The following MITD1 variants were observed in gnomAD, a reference collection of about 807,000 sequenced individuals.
MITD1 encodes microtubule interacting and trafficking domain containing 1.
In MITD1, 24 loss-of-function variants were observed where a neutral mutation model predicts 34.9. The ratio of observed to expected loss-of-function variants is 0.69; its 90% CI spans 0.50 to 0.97. MITD1 has a LOEUF of 0.97. Ranked by LOEUF, MITD1 falls within the 50% of genes least tolerant of loss-of-function variation. The probability of loss-of-function intolerance (pLI) is 0.00; values close to 1 mark genes in which losing one functional copy is unlikely to be tolerated. For synonymous variants in MITD1, 102 were observed against 101.4 expected (o/e 1.01, Z -0.04); for missense variants, 266 against 294.6 (o/e 0.90, Z 0.71).
chr2:99,177,754 C>T (rs1437080858), intron 1 of MITD1, among the ~76,000 whole-genome samples: 1 of 152,074 alleles, frequency 6.6e-6, no homozygotes, highest in African/African-American at 2.4e-5. Flanking sequence ...CCACCCACCT[C>T]AGTCTCCCAA....
chr2:99,178,057 T>G (rs2093897413), intron 1 of MITD1, among the ~76,000 whole-genome samples: 1 of 152,258 alleles, frequency 6.6e-6, no homozygotes, highest in South Asian at 2.1e-4. Context: ...CTCTACTGTA[T>G]ATATGTGCCA....
rs1327944979 is a variant in MITD1, at chr2:99,176,992, CACATACATCTATATAT to C, written c.152-2992_152-2977del. Among the ~76,000 whole-genome samples the C allele has an allele frequency of 3.3e-5, 5 of 152,260 alleles. No homozygotes were observed. In the East Asian group the frequency reaches 9.6e-4, roughly 29 times the overall value. ...TAGGAGGTATATGTAGGCTTACTAACACATACATCTATATATACATACATCTATATGTATTTGTTTC... is the reference window on the plus strand; with the variant it reads ...TAGGAGGTATATGTAGGCTTACTAACACATACATCTATATGTATTTGTTTC... On this transcript the variant is annotated intron_variant, in intron 1 of 6. Transcript: ENST00000289359.
Position 99,171,687 on chromosome 2 carries a change from T to G in MITD1, c.254-41A>C, listed in dbSNP as rs1559178228. On this transcript the variant is annotated intron_variant, in intron 2 of 6. Coordinates refer to ENST00000289359, the MANE Select transcript of MITD1 (RefSeq NM_138798.3). Reference sequence around the variant, plus strand: ...TTCAACAGTAAAACCAGTGACCATTTTTTTTTTACACATTTTATATTTTAT... The same window carrying G: ...TTCAACAGTAAAACCAGTGACCATTGTTTTTTTACACATTTTATATTTTAT... The G allele has an allele frequency of 3.2e-6, 5 of 1,572,896 alleles. No individual in the cohort carries two copies. In the East Asian group the frequency reaches 1.1e-4, roughly 35 times the overall value.
chr2:99,177,019 A>G (rs969647162), intron 1 of MITD1, among the ~76,000 whole-genome samples: 5 of 152,116 alleles, frequency 3.3e-5, no homozygotes, highest in Non-Finnish European at 5.9e-5. Flanking sequence ...ACATACATCT[A>G]TATGTATTTG....
In MITD1 at chr2:99,162,357, G is replaced by T. The variant is rs1174551672; in HGVS notation, c.*4-139C>A. 4 of 1,613,752 alleles carry T rather than the reference G, an allele frequency of 2.5e-6. No homozygotes were observed. The South Asian group carries it at 3.3e-5, about 13-fold the overall frequency. ...TAGAATGGAAAATCTGAAATTAATT[G>T]TGAGAGCTCTGAATGCTGTCCAACC... On this transcript the variant is annotated intron_variant, in intron 7 of 7. Transcript: ENST00000422537.
At chr2:99,168,187 G>C (rs969706493), downstream of MITD1, among the ~76,000 whole-genome samples, 8 of 152,066 alleles carry the variant, frequency 5.3e-5, no homozygotes, top group Admixed American at 3.9e-4. Context: ...TGTTGCCCAG[G>C]CTGGAGTGCA....
At chr2:99,175,443 G>A (rs2093881725) in intron 1 of MITD1, among the ~76,000 whole-genome samples, 4 of 152,176 alleles carry the variant, frequency 2.6e-5, no homozygotes, top group Non-Finnish European at 1.5e-5. Flanking sequence ...CATTAGACTT[G>A]GTTTATGCAT....
downstream of MITD1, among the ~76,000 whole-genome samples, chr2:99,166,839 T>C (rs945008163): frequency 7.0e-6 from 1 of 143,628 alleles, no homozygotes; most frequent in African/African-American, 2.5e-5. Flanking sequence ...TTATACTCAG[T>C]TCATTAAGTG....
chr2:99,166,438 A>G (rs1034947501), downstream of MITD1, among the ~76,000 whole-genome samples: 1 of 149,268 alleles, frequency 6.7e-6, no homozygotes, highest in Non-Finnish European at 1.5e-5. Flanking sequence ...TACCTGGGGC[A>G]GTCGCCAGAC....
intron 2 of MITD1, 116 bp from the exon 3 acceptor site, chr2:99,171,762 CAGCA>C: frequency 3.1e-6 from 3 of 967,986 alleles, no homozygotes; most frequent in Non-Finnish European, 4.6e-6. Flanking sequence ...TTAACTTATT[CAGCA>C]AATACTTATT....
chr2:99,168,505 C>G (rs1441671112), downstream of MITD1, among the ~76,000 whole-genome samples: 1 of 152,158 alleles, frequency 6.6e-6, no homozygotes, highest in East Asian at 1.9e-4. Context: ...CAGCCTGTCT[C>G]CATGGAATCT....
At chr2:99,179,863 C>G (rs542558462) in intron 1 of MITD1, among the ~76,000 whole-genome samples, 1 of 152,070 alleles carries the variant, frequency 6.6e-6, no homozygotes, top group African/African-American at 2.4e-5. Context: ...CGCGCCCGGC[C>G]GGTAGAGTTT....
At chr2:99,173,592 G>A (rs529002355) in intron 2 of MITD1, 12 of 466,926 alleles carry the variant, frequency 2.6e-5, no homozygotes, top group African/African-American at 2.0e-4. Context: ...CTTAACATAG[G>A]GTCCACACAT....
chr2:99,171,281 T>C (rs898460538), intron 4 of MITD1, 62 bp downstream of exon 4: 5 of 1,248,358 alleles, frequency 4.0e-6, no homozygotes, highest in Non-Finnish European at 5.8e-6. Context: ...TCTCCTTGAC[T>C]GGACTACATC....
chr2:99,173,577 T>C, intron 2 of MITD1: 1 of 466,874 alleles, frequency 2.1e-6, no homozygotes. Context: ...TTCCCTGTAG[T>C]ATTTCTTAAC....
chr2:99,171,683 C>CTT, intron 2 of MITD1, 37 bp from the exon 3 acceptor site: 1 of 1,572,528 alleles, frequency 6.4e-7, no homozygotes, highest in Non-Finnish European at 8.6e-7. Context: ...AACCAGTGAC[C>CTT]ATTTTTTTTT....
intron 3 of MITD1, 38 bp from the exon 4 acceptor site, chr2:99,171,467 C>T (rs376767332): frequency 7.2e-5 from 114 of 1,594,116 alleles, no homozygotes; most frequent in Non-Finnish European, 9.2e-5. Context: ...TAATTTAGTA[C>T]ATTGAATATG....
intron 2 of MITD1, chr2:99,172,499 T>C: frequency 6.6e-6 from 1 of 152,092 alleles, no homozygotes; most frequent in East Asian, 1.9e-4. Flanking sequence ...AAGACTGGGA[T>C]GTCACAGGAT....
chr2:99,169,086 C>G (rs2093840782), downstream of MITD1, among the ~76,000 whole-genome samples: 1 of 146,494 alleles, frequency 6.8e-6, no homozygotes, highest in Admixed American at 7.2e-5. Flanking sequence ...AGATCTAATT[C>G]ATCTTCCTAA....
Sources: allele counts gnomAD v4.1 joint callset (sites outside exome capture counted in the v4.1 genomes callset), GRCh38; gene constraint gnomAD v4.1.1; transcripts MANE v1.5; gene names NCBI Gene and HGNC (gene_info 2026-07-23, HGNC 2026-07-21).